NWD2: variants seen among roughly 807,000 people sequenced by gnomAD.
The protein encoded by NWD2 is NACHT and WD repeat domain containing 2.
A neutral mutation model predicts 132.7 loss-of-function variants in NWD2; 37 were observed. The observed-to-expected ratio is 0.28, with a 90% CI of 0.21 to 0.37. NWD2 has a LOEUF of 0.37. NWD2 is among the 10% of genes least tolerant of loss of function. NWD2 has a pLI of 1.00. For synonymous variants in NWD2, 705 were observed against 803.0 expected, an observed-to-expected ratio of 0.88 and a Z score of 2.06; for missense variants, 1,592 against 2,122.4, an observed-to-expected ratio of 0.75 and a Z score of 4.91.
At chr4:37,247,107 TAACA>T (rs1717258778) in intron 1 of NWD2, among the ~76,000 whole-genome samples, 2 of 152,196 alleles carry the variant, frequency 1.3e-5, no homozygotes, top group South Asian at 4.1e-4. Context: ...ACAAGGATCT[TAACA>T]AACAAAACAG....
intron 1 of NWD2, among the ~76,000 whole-genome samples, chr4:37,319,540 C>A (rs1719027731): frequency 2.0e-5 from 3 of 152,014 alleles, no homozygotes; most frequent in Admixed American, 6.6e-5. Context: ...TAAATAAATT[C>A]TTGCCCAATG....
At position 37,447,051 on chromosome 4, in the gene NWD2, G is replaced by C. The variant is rs756190056; in HGVS notation, c.5063G>C (p.Cys1688Ser). 36 of 1,551,562 alleles carry C rather than the reference G, an allele frequency of 2.3e-5. No homozygotes were observed. The highest frequency in any genetic ancestry group is 3.1e-5 in the Non-Finnish European group (36 of 1,147,002). ...TATTGTTTTAAAATATCTGTGGATT[G>C]CTTATGGAGAGAGTCCACTGAGGTC... ...NSYCFKISVD[C>S]LWRESTEVFA... Residue 1688 changes from cysteine (C) to serine (S), a missense_variant, in exon 7 of 7, where the codon TGC becomes TCC. Around this residue, in one of 7 missense-constraint regions of NWD2, gnomAD observed 257 missense variants for 335.0 expected, o/e 0.77. Coordinates refer to ENST00000309447, the MANE Select transcript of NWD2 (RefSeq NM_001144990.2).
At chr4:37,430,114 T>C (rs1206663435) in intron 3 of NWD2, among the ~76,000 whole-genome samples, 3 of 152,228 alleles carry the variant, frequency 2.0e-5, no homozygotes, top group Non-Finnish European at 4.4e-5. Context: ...CATTCAGTGA[T>C]GTCATACTTC....
chr4:37,445,394 G>A lies in NWD2; in HGVS notation c.3406G>A (p.Val1136Met). 1 of 1,552,124 alleles carries A rather than the reference G, an allele frequency of 6.4e-7. No homozygotes were observed. The highest frequency in any genetic ancestry group is 1.2e-5 in the South Asian group (1 of 84,060). The change falls in exon 7 of 7, where the codon GTG (valine) becomes ATG (methionine). Residue 1136 changes from valine to methionine, a missense_variant. This residue lies in a region of NWD2 where 1,071 missense variants were observed against 1,398.0 expected (regional missense o/e 0.77). Coordinates refer to ENST00000309447, the MANE Select transcript of NWD2 (RefSeq NM_001144990.2). The surrounding 1 kb of genome is among the most constrained non-coding windows in gnomAD (Gnocchi z 4.7). ...AGGGAGTGGAGAAAAGTTATGTACA[G>A]TGACATCAGAATTTTCAGGTGGATT... ...HLGSGEKLCT[V>M]TSEFSGGFVK...
intron 3 of NWD2, among the ~76,000 whole-genome samples, chr4:37,425,821 A>G (rs1026202750): frequency 8.5e-5 from 13 of 152,202 alleles, no homozygotes; most frequent in Non-Finnish European, 5.9e-5. Context: ...TTGCCAGTGA[A>G]CAGAGAAGGA....
rs564817862 is a variant in NWD2 at position 37,253,349 on chromosome 4, T to C, written c.151+8131T>C. Among the ~76,000 whole-genome samples, 11 of 152,300 alleles carry C rather than the reference T, an allele frequency of 7.2e-5. No individual in the cohort carries two copies. In the East Asian group the frequency reaches 1.7e-3, roughly 24 times the overall value. On this transcript the variant is annotated intron_variant, in intron 1 of 6. Coordinates refer to ENST00000309447, the MANE Select transcript of NWD2 (RefSeq NM_001144990.2). ...TAAATAGCAGAATTAGATATTCTTC[T>C]AGCCACTCACTGGAGGTGGTGGACC...
intron 4 of NWD2, among the ~76,000 whole-genome samples, chr4:37,431,491 G>A (rs567765760): frequency 4.5e-4 from 69 of 152,240 alleles, no homozygotes; most frequent in African/African-American, 1.6e-3. Context: ...GTAACAGAGA[G>A]TAGAAGTGTA....
At position 37,443,598 on chromosome 4, in the gene NWD2, G is replaced by A. The variant is rs756877795; in HGVS notation, c.1610G>A (p.Arg537His). Residue 537 changes from arginine (R) to histidine (H), a missense_variant, in exon 7 of 7, where the codon CGC (arginine) becomes CAC (histidine). By Grantham distance (29) the Arg-to-His change is conservative. Coordinates refer to ENST00000309447, the MANE Select transcript of NWD2 (RefSeq NM_001144990.2). This position sits in a 1 kb window ranked among gnomAD's most constrained non-coding sequence, Gnocchi z 4.1. The part of the protein sequence containing the change: ...KLWWLPAHLP[R>H]FVRIVLSTLP... ...TGGTGGCTCCCAGCTCACCTGCCCCGCTTTGTCCGGATAGTCCTTTCCACG... is the reference window on the plus strand; with the variant it reads ...TGGTGGCTCCCAGCTCACCTGCCCCACTTTGTCCGGATAGTCCTTTCCACG... 1.3e-4 allele frequency: 201 copies of A among 1,551,620 alleles called. No homozygotes were observed. The highest frequency in any genetic ancestry group is 1.5e-4 in the African/African-American group (11 of 73,014).
Position 37,439,194 on chromosome 4 carries a change from A to C in NWD2, c.1100A>C (p.Asp367Ala). The change falls in exon 6 of 7, where the codon GAT becomes GCT. Residue 367 changes from aspartate (D) to alanine (A), a missense_variant. Around this residue, in one of 7 missense-constraint regions of NWD2, gnomAD observed 1,071 missense variants for 1,398.0 expected, o/e 0.77. Coordinates refer to ENST00000309447, the MANE Select transcript of NWD2 (RefSeq NM_001144990.2). This position sits in a 1 kb window ranked among gnomAD's most constrained non-coding sequence, Gnocchi z 4.5. ...CAACAGAATTTTGACACTGAAACTG[A>C]TACACTCTATGATGAAATCCTTCAA... Reference protein sequence around the residue: ...TIQQNFDTETDTLYDEILQHS... With the variant: ...TIQQNFDTETATLYDEILQHS... 1 of 1,550,648 alleles carries C rather than the reference A, an allele frequency of 6.4e-7. No homozygotes were observed. The highest frequency in any genetic ancestry group is 2.4e-5 in the East Asian group (1 of 40,912).
At chr4:37,396,812 C>A (rs548734777) in intron 3 of NWD2, among the ~76,000 whole-genome samples, 1 of 152,140 alleles carries the variant, frequency 6.6e-6, no homozygotes, top group Non-Finnish European at 1.5e-5. Context: ...GCGGGTGGAT[C>A]AACTGAGGTC....
chr4:37,247,005 T>C (rs1717256626), intron 1 of NWD2, among the ~76,000 whole-genome samples: 1 of 152,234 alleles, frequency 6.6e-6, no homozygotes, highest in Non-Finnish European at 1.5e-5. Context: ...TTTCTTCGAA[T>C]AAAAGCTTTA....
intron 3 of NWD2, among the ~76,000 whole-genome samples, chr4:37,359,272 C>A (rs573300088): frequency 6.6e-6 from 1 of 152,214 alleles, no homozygotes; most frequent in East Asian, 1.9e-4. Flanking sequence ...CTTCTGCTCC[C>A]CTGTTACATG....
chr4:37,326,381 C>G (rs1242770595), intron 2 of NWD2, among the ~76,000 whole-genome samples: 1 of 152,078 alleles, frequency 6.6e-6, no homozygotes, highest in Non-Finnish European at 1.5e-5. Context: ...AAATGGGGAC[C>G]AACTTTTTTC....
intron 1 of NWD2, among the ~76,000 whole-genome samples, chr4:37,297,041 C>T (rs1347865014): frequency 6.6e-6 from 1 of 152,124 alleles, no homozygotes; most frequent in Non-Finnish European, 1.5e-5. Flanking sequence ...TTCCTGTACA[C>T]TCTTAACCCA....
In NWD2 at chr4:37,447,873, C is replaced by T. The variant is rs1712680127; in HGVS notation, c.*656C>T. On this transcript the variant is annotated 3_prime_UTR_variant, in exon 7 of 7. Coordinates refer to ENST00000309447, the MANE Select transcript of NWD2 (RefSeq NM_001144990.2). ...GTCAGTCTTTATTAAAAGACAGTTG[C>T]AACAATTGCATGCGAGGGTTTCTGT... 1 of 152,174 alleles carries T rather than the reference C, an allele frequency of 6.6e-6. No individual in the cohort carries two copies. Among genetic ancestry groups the T allele is most frequent in the African/African-American group, 2.4e-5 (1 of 41,426 alleles). The allele number at this position is 152,174 out of a possible 1,614,324, so 9.4% of individuals were successfully genotyped here. A position where few individuals can be genotyped will look rare whatever the true frequency, so the allele number is the denominator to read the frequency against.
At chr4:37,271,123 C>T (rs1376869521) in intron 1 of NWD2, among the ~76,000 whole-genome samples, 1 of 151,740 alleles carries the variant, frequency 6.6e-6, no homozygotes, top group African/African-American at 2.4e-5. Context: ...ACTCCATTAC[C>T]ATACTGCCTT....
chr4:37,337,772 C>G (rs963620219), intron 2 of NWD2, among the ~76,000 whole-genome samples: 1 of 152,192 alleles, frequency 6.6e-6, no homozygotes, highest in Non-Finnish European at 1.5e-5. Flanking sequence ...CTCTCTCCTC[C>G]ATAGTTGTGT....
At chr4:37,427,721 A>T (rs1712047318) in intron 3 of NWD2, among the ~76,000 whole-genome samples, 1 of 152,364 alleles carries the variant, frequency 6.6e-6, no homozygotes, top group East Asian at 1.9e-4. Context: ...CATTGAGGCC[A>T]GTACTGAGGA....
chr4:37,299,955 C>A (rs1046911942), intron 1 of NWD2, among the ~76,000 whole-genome samples: 4 of 152,060 alleles, frequency 2.6e-5, no homozygotes, highest in Non-Finnish European at 4.4e-5. Context: ...TAATTTAACC[C>A]CCATACACTA....
Sources: allele counts gnomAD v4.1 joint callset (sites outside exome capture counted in the v4.1 genomes callset), GRCh38; gene constraint gnomAD v4.1.1; regional missense constraint gnomAD v4.1.1; non-coding constraint Gnocchi (gnomAD v3.1); transcripts MANE v1.5; gene names NCBI Gene and HGNC (gene_info 2026-07-23, HGNC 2026-07-21).